C14orf39: variants seen among roughly 807,000 people sequenced by gnomAD.
The protein encoded by C14orf39 is protein SIX6OS1.
A neutral mutation model predicts 85.6 loss-of-function variants in C14orf39; 66 were observed. The observed-to-expected ratio is 0.77, with a 90% CI of 0.63 to 0.95. The LOEUF (loss-of-function observed/expected upper bound fraction) is 0.95. Among genes scored for constraint, C14orf39 ranks in the 40% least tolerant of loss-of-function variants. The pLI, the probability that C14orf39 is intolerant of heterozygous loss-of-function variation, is 0.00. For missense variants in C14orf39, 735 were observed against 663.9 expected (o/e 1.11, Z -1.18); for synonymous variants, 242 against 214.0 (o/e 1.13, Z -1.14).
chr14:60,480,674 T>C (rs1168478257), intron 4 of C14orf39, among the ~76,000 whole-genome samples: 2 of 152,198 alleles, frequency 1.3e-5, no homozygotes, highest in Non-Finnish European at 2.9e-5. Flanking sequence ...TTTAGCATTA[T>C]TCATAATATC....
rs1431674968 is a variant in C14orf39 at position 60,483,735 on chromosome 14, A to T, written c.189T>A (p.Asp63Glu). 2 of 1,598,044 alleles carry T rather than the reference A, an allele frequency of 1.3e-6. No individual in the cohort carries two copies. The highest frequency in any genetic ancestry group is 2.7e-5 in the African/African-American group (2 of 74,462). ...TCTCCTCACTATGTTTACAGTAATG[A>T]TCAATTTCCTCATCTGTTGCATTTA... ...ETINATDEEI[D>E]HYCKHSEEIK... The change falls in exon 4 of 18, where the codon GAT becomes GAA. Residue 63 changes from aspartate (D) to glutamate (E), a missense_variant. Coordinates refer to ENST00000321731, the MANE Select transcript of C14orf39 (RefSeq NM_174978.3).
intron 2 of C14orf39, among the ~76,000 whole-genome samples, chr14:60,492,506 G>C (rs1231470393): frequency 6.6e-6 from 1 of 152,002 alleles, no homozygotes; most frequent in Non-Finnish European, 1.5e-5. Flanking sequence ...CGGCGCAATG[G>C]CTCATTCCTG....
At chr14:60,490,382 T>A (rs959309415), upstream of C14orf39, among the ~76,000 whole-genome samples, 8 of 151,726 alleles carry the variant, frequency 5.3e-5, no homozygotes, top group Non-Finnish European at 1.2e-4. Flanking sequence ...GGCACAAGGA[T>A]TGCTTGAGCC....
rs1892804288 is a variant in C14orf39, at chr14:60,484,813, G to A, written c.106+68C>T. 1.8e-6 allele frequency: 2 copies of A among 1,137,618 alleles called. No individual in the cohort carries two copies. Among genetic ancestry groups the A allele is most frequent in the African/African-American group, 1.6e-5 (1 of 63,658 alleles). 70.5% of individuals were successfully genotyped at this position (1,137,618 alleles called of 1,614,324 possible). A position where few individuals can be genotyped will look rare whatever the true frequency, so the allele number is the denominator to read the frequency against. On this transcript the variant is annotated intron_variant, in intron 3 of 17. Transcript: ENST00000321731. This position sits in a 1 kb window ranked among gnomAD's most constrained non-coding sequence, Gnocchi z 4.2. Reference sequence around the variant, plus strand: ...CCAACAATAAGTTGCCCTAAACAGAGCAATTGTATGTTATATGCCATAAGG... The same window carrying A: ...CCAACAATAAGTTGCCCTAAACAGAACAATTGTATGTTATATGCCATAAGG...
At chr14:60,442,734 G>T (rs191949407) in intron 16 of C14orf39, among the ~76,000 whole-genome samples, 1 of 152,068 alleles carries the variant, frequency 6.6e-6, no homozygotes, top group Non-Finnish European at 1.5e-5. Context: ...TCCCAACTTT[G>T]TTTTTTATAT....
chr14:60,479,009 G>A (rs1892520865), intron 4 of C14orf39, among the ~76,000 whole-genome samples: 1 of 152,010 alleles, frequency 6.6e-6, no homozygotes, highest in African/African-American at 2.4e-5. Context: ...GCGGCTTCCA[G>A]TGTAAGTATT....
intron 1 of C14orf39, among the ~76,000 whole-genome samples, chr14:60,505,403 A>T (rs984160473): frequency 6.6e-6 from 1 of 152,256 alleles, no homozygotes; most frequent in African/African-American, 2.4e-5. Context: ...TAAATGTTTG[A>T]AAGTGTAAAT....
rs537922911 is a variant in C14orf39, at chr14:60,475,998, G to A, written c.323+2302C>T. Among the ~76,000 whole-genome samples, 222 of 152,244 alleles carry A rather than the reference G, an allele frequency of 1.5e-3. 1 individual carries two copies. Among genetic ancestry groups the A allele is most frequent in the Non-Finnish European group, 2.5e-3 (170 of 67,992 alleles). ...CAAGTTTCAAAAACTGCACACATGAGAAGAAAAGTAAGGATAACAGCCCTG... is the reference window on the plus strand; with the variant it reads ...CAAGTTTCAAAAACTGCACACATGAAAAGAAAAGTAAGGATAACAGCCCTG... On this transcript the variant is annotated intron_variant, in intron 5 of 17. Coordinates refer to ENST00000321731, the MANE Select transcript of C14orf39 (RefSeq NM_174978.3).
chr14:60,487,423 C>A (rs938534932), upstream of C14orf39, among the ~76,000 whole-genome samples: 1 of 152,106 alleles, frequency 6.6e-6, no homozygotes, highest in African/African-American at 2.4e-5. Flanking sequence ...TAATGTCCCA[C>A]AGGCTCATCC....
At chr14:60,510,065 T>C (rs1477985548) in intron 1 of C14orf39, 2 of 1,121,986 alleles carry the variant, frequency 1.8e-6, no homozygotes, top group Admixed American at 2.0e-5. Context: ...GCGACTCCAA[T>C]TCAGCAGGAG....
rs773503671 is a variant in C14orf39 at position 60,483,780 on chromosome 14, A to G, written c.144T>C (p.Ile48=). 4 of 1,548,646 alleles carry G rather than the reference A, an allele frequency of 2.6e-6. No homozygotes were observed. Among genetic ancestry groups the G allele is most frequent in the South Asian group, 1.1e-5 (1 of 88,038 alleles). The change falls in exon 4 of 18, where the codon ATT becomes ATC. Residue 48 remains isoleucine, a synonymous_variant. Transcript: ENST00000321731. ...CEDIKENKVT[I]CRIHETINAT... ...CATTTATAGTTTCGTGTATCCTACA[A>G]ATAGTTACTTTGTTTTCCTTAATAT...
rs150262110 is a variant in C14orf39 at position 60,456,260 on chromosome 14, C to A, written c.1358+657G>T. On this transcript the variant is annotated intron_variant, in intron 15 of 17. Coordinates refer to ENST00000321731, the MANE Select transcript of C14orf39 (RefSeq NM_174978.3). ...GCTGCAAACTACAAATACGTGGTTT[C>A]CAAAATTTAATAATCATGTTAGAGA... Among the ~76,000 whole-genome samples the A allele has an allele frequency of 2.4e-3, 361 of 151,996 alleles. 1 individual carries two copies. Among genetic ancestry groups the A allele is most frequent in the African/African-American group, 8.5e-3 (351 of 41,488 alleles).
chr14:60,468,212 T>C (rs1052048894), intron 9 of C14orf39, among the ~76,000 whole-genome samples: 1 of 151,782 alleles, frequency 6.6e-6, no homozygotes, highest in Non-Finnish European at 1.5e-5. Context: ...GTGCTGCTGC[T>C]ACTCTATTTC....
chr14:60,511,185 G>C (rs1566691625), intron 1 of C14orf39: 1 of 1,613,064 alleles, frequency 6.2e-7, no homozygotes, highest in South Asian at 1.1e-5. Context: ...CCGGCCGCCA[G>C]TCTATCCAGC....
chr14:60,444,125 C>A (rs1890651897), intron 16 of C14orf39, among the ~76,000 whole-genome samples: 1 of 152,172 alleles, frequency 6.6e-6, no homozygotes, highest in Non-Finnish European at 1.5e-5. Flanking sequence ...ATTCAAAAAA[C>A]CAGAGTGCCT....
intron 1 of C14orf39, among the ~76,000 whole-genome samples, chr14:60,501,112 G>A (rs1289134913): frequency 1.3e-5 from 2 of 151,850 alleles, no homozygotes; most frequent in African/African-American, 2.4e-5. Context: ...GACCACCCTA[G>A]GCAATATAGA....
intron 2 of C14orf39, chr14:60,496,264 T>A: frequency 2.5e-6 from 1 of 397,960 alleles, no homozygotes; most frequent in South Asian, 1.9e-5. Context: ...AAACAGGATC[T>A]GCTCAAGGAC....
chr14:60,458,928 T>C (rs1891399132), intron 13 of C14orf39, among the ~76,000 whole-genome samples, 189 bp from the exon 14 acceptor site: 1 of 151,600 alleles, frequency 6.6e-6, no homozygotes, highest in African/African-American at 2.4e-5. Flanking sequence ...CAAACAAAAT[T>C]ATAAAGAGAA....
chr14:60,447,870 A>C (rs1389142270), intron 16 of C14orf39, among the ~76,000 whole-genome samples: 2 of 152,234 alleles, frequency 1.3e-5, no homozygotes, highest in African/African-American at 2.4e-5. Flanking sequence ...AACAGAACAG[A>C]GGCCTCAGAA....
Sources: allele counts gnomAD v4.1 joint callset (sites outside exome capture counted in the v4.1 genomes callset), GRCh38; gene constraint gnomAD v4.1.1; non-coding constraint Gnocchi (gnomAD v3.1); transcripts MANE v1.5; gene names NCBI Gene and HGNC (gene_info 2026-07-23, HGNC 2026-07-21).